TMEM38B: variants seen among roughly 807,000 people sequenced by gnomAD.
TMEM38B encodes the protein transmembrane protein 38B, also known as trimeric intracellular cation channel type B.
A neutral mutation model predicts 28.7 loss-of-function variants in TMEM38B; 24 were observed. That is an observed-to-expected ratio of 0.84 (90% CI 0.61 to 1.18). TMEM38B has a LOEUF of 1.18. TMEM38B is among the 50% of genes most tolerant of loss of function. The probability of loss-of-function intolerance (pLI) is 0.00; values close to 1 mark genes in which losing one functional copy is unlikely to be tolerated. For synonymous variants in TMEM38B, 131 were observed against 127.7 expected, an observed-to-expected ratio of 1.03 and a Z score of -0.17; for missense variants, 380 against 350.9, an observed-to-expected ratio of 1.08 and a Z score of -0.66.
At chr9:105,757,665 G>A (rs1386395694) in intron 5 of TMEM38B, among the ~76,000 whole-genome samples, 2 of 152,180 alleles carry the variant, frequency 1.3e-5, no homozygotes, top group Non-Finnish European at 2.9e-5. Context: ...GTGAAATAGA[G>A]CTGTTGTGAA....
At chr9:105,741,187 C>T (rs368172181) in intron 4 of TMEM38B, among the ~76,000 whole-genome samples, 73 of 152,292 alleles carry the variant, frequency 4.8e-4, no homozygotes, top group African/African-American at 1.4e-3. Context: ...CTCCTACTGA[C>T]GCTGATTTTG....
chr9:105,728,225 AAC>A (rs1836593810), intron 4 of TMEM38B, among the ~76,000 whole-genome samples: 1 of 152,006 alleles, frequency 6.6e-6, no homozygotes, highest in South Asian at 2.1e-4. Context: ...TATTTCTCCT[AAC>A]ACTATCTCTC....
intron 2 of TMEM38B, among the ~76,000 whole-genome samples, chr9:105,708,350 G>A (rs1382800686): frequency 1.3e-5 from 2 of 152,118 alleles, no homozygotes; most frequent in African/African-American, 4.8e-5. Flanking sequence ...GTGTAGTGGA[G>A]GATGTGTGTA....
intron 4 of TMEM38B, among the ~76,000 whole-genome samples, chr9:105,730,590 A>G (rs1836703055): frequency 6.6e-6 from 1 of 152,216 alleles, no homozygotes; most frequent in African/African-American, 2.4e-5. Context: ...AAAATGAGTT[A>G]GGGAGGATTC....
intron 4 of TMEM38B, among the ~76,000 whole-genome samples, chr9:105,740,351 C>T (rs1588441374): frequency 6.7e-6 from 1 of 149,088 alleles, no homozygotes; most frequent in South Asian, 2.1e-4. Flanking sequence ...ATCTCCCTGT[C>T]GTCCTCCCAG....
At chr9:105,749,209 A>T in intron 5 of TMEM38B, 1 of 791,386 alleles carries the variant, frequency 1.3e-6, no homozygotes, top group Non-Finnish European at 1.8e-6. Flanking sequence ...TTATTGAGAT[A>T]TATTTTCCAT....
At chr9:105,751,596 G>T (rs562978165) in intron 5 of TMEM38B, among the ~76,000 whole-genome samples, 1 of 152,324 alleles carries the variant, frequency 6.6e-6, no homozygotes, top group African/African-American at 2.4e-5. Flanking sequence ...TGTGCTGCAG[G>T]CCCCACTTCC....
chr9:105,708,083 T>G (rs1835749201), intron 2 of TMEM38B, among the ~76,000 whole-genome samples: 1 of 152,188 alleles, frequency 6.6e-6, no homozygotes, highest in Non-Finnish European at 1.5e-5. Flanking sequence ...GTGGTCTTGC[T>G]GCTTCTTTGA....
At chr9:105,708,702 C>T (rs1268232531) in intron 2 of TMEM38B, among the ~76,000 whole-genome samples, 2 of 152,106 alleles carry the variant, frequency 1.3e-5, no homozygotes, top group Non-Finnish European at 2.9e-5. Context: ...TCTTTCTTCT[C>T]TTTGTAATCT....
intron 4 of TMEM38B, among the ~76,000 whole-genome samples, chr9:105,735,858 T>C (rs1285237952): frequency 6.6e-6 from 1 of 151,976 alleles, no homozygotes; most frequent in Non-Finnish European, 1.5e-5. Flanking sequence ...TTTCAGCAAT[T>C]TTCATTTATT....
chr9:105,746,382 TG>T (rs1458917365), intron 4 of TMEM38B, among the ~76,000 whole-genome samples: 2 of 152,244 alleles, frequency 1.3e-5, no homozygotes, highest in Non-Finnish European at 2.9e-5. Flanking sequence ...TCTATTTGTC[TG>T]TTATTGGTGT....
intron 4 of TMEM38B, among the ~76,000 whole-genome samples, chr9:105,737,994 A>T (rs1265479343): frequency 6.6e-6 from 1 of 152,186 alleles, no homozygotes; most frequent in Non-Finnish European, 1.5e-5. Context: ...AGGTCACCAG[A>T]CAGGCATGGT....
chr9:105,761,115 A>G (rs527377567), intron 5 of TMEM38B, among the ~76,000 whole-genome samples: 88 of 152,316 alleles, frequency 5.8e-4, no homozygotes, highest in African/African-American at 2.1e-3. Flanking sequence ...CATATGTGCA[A>G]GTTCTGAGAT....
chr9:105,761,078 T>A (rs560028311), intron 5 of TMEM38B, among the ~76,000 whole-genome samples: 1 of 152,226 alleles, frequency 6.6e-6, no homozygotes, highest in Non-Finnish European at 1.5e-5. Context: ...TAAACTATAA[T>A]TCTGTTTTTA....
rs560825977 is a variant in TMEM38B, at chr9:105,767,153, T to C, written c.661-6712T>C. Among the ~76,000 whole-genome samples the C allele has an allele frequency of 1.8e-4, 28 of 152,196 alleles. No homozygotes were observed. The South Asian group carries it at 5.6e-3, about 30-fold the overall frequency. On this transcript the variant is annotated intron_variant, in intron 5 of 5. Transcript: ENST00000374692. ...CAAGGTAAGGGTCAGGTTTTTTTTT[T>C]TTCCTCCATATGAGTAGGAAGTTGT...
At chr9:105,750,847 TC>T (rs60395218) in intron 5 of TMEM38B, among the ~76,000 whole-genome samples, 417 of 152,338 alleles carry the variant, frequency 2.7e-3, no homozygotes, top group Middle Eastern at 6.8e-3. Flanking sequence ...GTCCAAGTTT[TC>T]TCATGTGGAT....
chr9:105,760,346 A>G (rs1588467848), intron 5 of TMEM38B: 2 of 769,146 alleles, frequency 2.6e-6, no homozygotes, highest in South Asian at 2.7e-5. Flanking sequence ...TTCTTACTGG[A>G]TCATCATCAG....
At position 105,774,431 on chromosome 9, in the gene TMEM38B, A is replaced by G. The variant is rs12338812; in HGVS notation, c.*351A>G. 0.13 allele frequency: 19,884 copies of G among 158,210 alleles called. 1,856 individuals carry two copies. Among genetic ancestry groups the G allele is most frequent in the East Asian group, 0.46 (2,526 of 5,494 alleles). 9.8% of individuals were successfully genotyped at this position (158,210 alleles called of 1,614,324 possible). A position where few individuals can be genotyped will look rare whatever the true frequency, so the allele number is the denominator to read the frequency against. On this transcript the variant is annotated 3_prime_UTR_variant, in exon 6 of 6. Transcript: ENST00000374692. ...AAGCTTTTAAAAATGTAGATTTTTCATATTTTTAAAATTTGAATCTATTTG... is the reference window on the plus strand; with the variant it reads ...AAGCTTTTAAAAATGTAGATTTTTCGTATTTTTAAAATTTGAATCTATTTG...
At chr9:105,750,186 A>G (rs773678930) in intron 5 of TMEM38B, among the ~76,000 whole-genome samples, 1 of 151,930 alleles carries the variant, frequency 6.6e-6, no homozygotes, top group Non-Finnish European at 1.5e-5. Context: ...TTCAATTTAT[A>G]TTTTGTTTTA....
Sources: allele counts gnomAD v4.1 joint callset (sites outside exome capture counted in the v4.1 genomes callset), GRCh38; gene constraint gnomAD v4.1.1; transcripts MANE v1.5; gene names NCBI Gene and HGNC (gene_info 2026-07-23, HGNC 2026-07-21).